The following PACS2 variants were observed in gnomAD, a reference collection of about 807,000 sequenced individuals.
PACS2 encodes phosphofurin acidic cluster sorting protein 2.
A neutral mutation model predicts 113.0 loss-of-function variants in PACS2; 36 were observed. That is an observed-to-expected ratio of 0.32 (90% confidence interval 0.24 to 0.42). PACS2 has a LOEUF of 0.42. Among genes scored for constraint, PACS2 ranks in the 10% least tolerant of loss-of-function variants. The pLI, the probability that PACS2 is intolerant of heterozygous loss-of-function variation, is 1.00. For missense variants in PACS2, 1,015 were observed against 1,239.5 expected (o/e 0.82, Z 2.72); for synonymous variants, 589 against 536.1 (o/e 1.10, Z -1.36).
Position 105,376,194 on chromosome 14 carries a change from A to G in PACS2, c.802-574A>G, listed in dbSNP as rs1190273455. 1.3e-5 allele frequency among the ~76,000 whole-genome samples: 2 copies of G among 152,076 alleles called. No individual in the cohort carries two copies. The highest frequency in any genetic ancestry group is 2.4e-5 in the African/African-American group (1 of 41,412). On this transcript the variant is annotated intron_variant, in intron 8 of 24. Coordinates refer to ENST00000447393, the MANE Select transcript of PACS2 (RefSeq NM_001100913.3). The surrounding 1 kb of genome is among the most constrained non-coding windows in gnomAD (Gnocchi z 4.7). ...TTGGCACGTGGGGCTTATGGGGATT[A>G]CAATTCAAGGTGAGACTTGGGTGGG...
intron 1 of PACS2, among the ~76,000 whole-genome samples, chr14:105,334,607 G>A (rs2059437411): frequency 6.6e-6 from 1 of 151,996 alleles, no homozygotes; most frequent in Non-Finnish European, 1.5e-5. Context: ...CTGAGGCCCA[G>A]TGTCTACATA....
chr14:105,310,862 A>G (rs1475791879), upstream of PACS2, among the ~76,000 whole-genome samples: 1 of 152,220 alleles, frequency 6.6e-6, no homozygotes, highest in Non-Finnish European at 1.5e-5. Flanking sequence ...TTTGTATCCT[A>G]TCAATATTTT....
rs1405756988 is a variant in PACS2 at position 105,376,664 on chromosome 14, G to A, written c.802-104G>A. The A allele has an allele frequency of 6.5e-6, 7 of 1,073,702 alleles. No homozygotes were observed. Among genetic ancestry groups the A allele is most frequent in the Admixed American group, 2.3e-5 (1 of 42,702 alleles). The allele number at this position is 1,073,702 out of a possible 1,614,324, so 66.5% of individuals were successfully genotyped here. A position where few individuals can be genotyped will look rare whatever the true frequency, so the allele number is the denominator to read the frequency against. The stretch of plus-strand genomic sequence containing the variant: ...CTGAGTGGAGGGGTTTGGTGGCTGG[G>A]TGCCCGCCTCCTATTGCTCCTGCAG... On this transcript the variant is annotated intron_variant, in intron 8 of 24. Coordinates refer to ENST00000447393, the MANE Select transcript of PACS2 (RefSeq NM_001100913.3). This position sits in a 1 kb window ranked among gnomAD's most constrained non-coding sequence, Gnocchi z 4.7.
intron 1 of PACS2, among the ~76,000 whole-genome samples, chr14:105,342,064 G>T (rs1555401707): frequency 6.6e-6 from 1 of 152,232 alleles, no homozygotes; most frequent in African/African-American, 2.4e-5. Context: ...CTGGAAACGA[G>T]CGTGGAAGCC....
intron 20 of PACS2, 57 bp downstream of exon 20, chr14:105,390,060 T>C: frequency 2.0e-6 from 3 of 1,464,232 alleles, no homozygotes; most frequent in Non-Finnish European, 2.9e-6. Context: ...ACTTGTCGTT[T>C]ACAGTCAGAA....
chr14:105,369,768 C>A, intron 7 of PACS2, 73 bp from the exon 8 acceptor site: 2 of 1,353,510 alleles, frequency 1.5e-6, no homozygotes, highest in Non-Finnish European at 2.0e-6. Flanking sequence ...GCGGCCTGGG[C>A]CTGAGGAAGG....
At chr14:105,378,044 A>C (rs2080848038) in intron 9 of PACS2, among the ~76,000 whole-genome samples, 1 of 152,172 alleles carries the variant, frequency 6.6e-6, no homozygotes, top group Non-Finnish European at 1.5e-5. Context: ...ACCCTGGCCC[A>C]GGGTCCCTCC....
intron 15 of PACS2, 154 bp from the exon 16 acceptor site, chr14:105,383,205 T>C (rs868978066): frequency 1.2e-6 from 1 of 861,492 alleles, no homozygotes; most frequent in Middle Eastern, 2.7e-4. Flanking sequence ...CGTTTGGGCA[T>C]GTGGGGGTCC....
At chr14:105,360,905 A>G (rs2060655795) in intron 4 of PACS2, among the ~76,000 whole-genome samples, 1 of 152,104 alleles carries the variant, frequency 6.6e-6, no homozygotes, top group Admixed American at 6.6e-5. Flanking sequence ...CAGCATCCTC[A>G]CCAGGAGCAG....
At chr14:105,383,638 G>A (rs2081072332) in intron 16 of PACS2, 125 bp downstream of exon 16, 2 of 830,466 alleles carry the variant, frequency 2.4e-6, no homozygotes, top group South Asian at 1.8e-5. Context: ...GTCGTGGTGT[G>A]GCGCGGTGTG....
intron 18 of PACS2, among the ~76,000 whole-genome samples, chr14:105,385,370 T>G (rs1555413340): frequency 6.6e-6 from 1 of 152,216 alleles, no homozygotes; most frequent in Non-Finnish European, 1.5e-5. Flanking sequence ...CCTCGGGCCC[T>G]GTGGGTGAGT....
At position 105,348,913 on chromosome 14, in the gene PACS2, C is replaced by T. The variant is rs2060044668; in HGVS notation, c.207+333C>T. On this transcript the variant is annotated intron_variant, in intron 2 of 24. Transcript: ENST00000447393. The surrounding 1 kb of genome is among the most constrained non-coding windows in gnomAD (Gnocchi z 6.4). ...TCCCTGCTGCACTCAGCACCCACTTCCTGCCCACTTTTTGTGGGGTGGAGG... is the reference window on the plus strand; with the variant it reads ...TCCCTGCTGCACTCAGCACCCACTTTCTGCCCACTTTTTGTGGGGTGGAGG... 6.6e-6 allele frequency among the ~76,000 whole-genome samples: 1 copy of T among 152,226 alleles called. No homozygotes were observed. Among genetic ancestry groups the T allele is most frequent in the South Asian group, 2.1e-4 (1 of 4,838 alleles).
At chr14:105,319,375 A>G (rs751871257) in intron 1 of PACS2, among the ~76,000 whole-genome samples, 1 of 152,328 alleles carries the variant, frequency 6.6e-6, no homozygotes, top group Middle Eastern at 3.4e-3. Context: ...TGATCAAGCT[A>G]TTTACTTAGG....
chr14:105,395,231 T>C lies in PACS2; in HGVS notation c.*559T>C, dbSNP rs1287783115. 1.3e-5 allele frequency: 2 copies of C among 152,968 alleles called. No homozygotes were observed. Among genetic ancestry groups the C allele is most frequent in the African/African-American group, 4.8e-5 (2 of 41,472 alleles). 9.5% of individuals were successfully genotyped at this position (152,968 alleles called of 1,614,324 possible). A position where few individuals can be genotyped will look rare whatever the true frequency, so the allele number is the denominator to read the frequency against. On this transcript the variant is annotated 3_prime_UTR_variant, in exon 25 of 25. Coordinates refer to ENST00000447393, the MANE Select transcript of PACS2 (RefSeq NM_001100913.3). ...AGCAGATATTTTTAATGCTTTTCAA[T>C]ACATGTTCTAATGTAGCTGCCAAAC...
At chr14:105,386,969 T>C (rs2081197705) in intron 19 of PACS2, among the ~76,000 whole-genome samples, 1 of 152,180 alleles carries the variant, frequency 6.6e-6, no homozygotes, top group African/African-American at 2.4e-5. Context: ...CAGCTGCTTG[T>C]ATCTCCCAGG....
chr14:105,356,246 C>G lies in PACS2; in HGVS notation c.423+1069C>G, dbSNP rs1375665427. 6.6e-6 allele frequency among the ~76,000 whole-genome samples: 1 copy of G among 152,164 alleles called. No homozygotes were observed. Among genetic ancestry groups the G allele is most frequent in the Non-Finnish European group, 1.5e-5 (1 of 68,010 alleles). ...CCAGATCCTCACACACCCCCACTTA[C>G]GCATCCAGGACAAGTGCCAAGTACT... On this transcript the variant is annotated intron_variant, in intron 4 of 24. Coordinates refer to ENST00000447393, the MANE Select transcript of PACS2 (RefSeq NM_001100913.3). The surrounding 1 kb of genome is among the most constrained non-coding windows in gnomAD (Gnocchi z 4.0).
rs781891263 is a variant in PACS2, at chr14:105,369,950, C to T, written c.801+50C>T. On this transcript the variant is annotated intron_variant, in intron 8 of 24. Transcript: ENST00000447393. ...GCGGCCCCCACGCCTGCAACAGCAC[C>T]TGGTCGGGAGGAGGCCTCTGGGGTC... 6.6e-6 allele frequency: 10 copies of T among 1,517,668 alleles called. No homozygotes were observed. The South Asian group carries it at 1.2e-4, about 18-fold the overall frequency. 94.0% of individuals were successfully genotyped at this position (1,517,668 alleles called of 1,614,324 possible). A position where few individuals can be genotyped will look rare whatever the true frequency, so the allele number is the denominator to read the frequency against.
intron 5 of PACS2, 97 bp from the exon 6 acceptor site, chr14:105,367,977 C>T: frequency 1.3e-6 from 1 of 794,576 alleles, no homozygotes; most frequent in South Asian, 1.4e-5. Context: ...CTCCTCGCTG[C>T]CCCCACTCTG....
intron 4 of PACS2, among the ~76,000 whole-genome samples, chr14:105,361,499 T>G (rs1481822056): frequency 6.6e-6 from 1 of 151,402 alleles, no homozygotes; most frequent in Non-Finnish European, 1.5e-5. Context: ...TAGCCAGGTG[T>G]GGTAGAGGAC....
Sources: allele counts gnomAD v4.1 joint callset (sites outside exome capture counted in the v4.1 genomes callset), GRCh38; gene constraint gnomAD v4.1.1; non-coding constraint Gnocchi (gnomAD v3.1); transcripts MANE v1.5; gene names NCBI Gene and HGNC (gene_info 2026-07-23, HGNC 2026-07-21).